Variants in DNM3 observed in about 807,000 individuals in gnomAD.
The protein encoded by DNM3 is dynamin 3.
A neutral mutation model predicts 101.6 loss-of-function variants in DNM3; 47 were observed. That is an observed-to-expected ratio of 0.46 (90% confidence interval 0.37 to 0.59). The LOEUF is 0.59. Among genes scored for constraint, DNM3 ranks in the 20% least tolerant of loss-of-function variants. DNM3 has a pLI of 0.00. For synonymous variants in DNM3, 385 were observed against 387.9 expected (o/e 0.99, Z 0.09); for missense variants, 849 against 1,085.7 (o/e 0.78, Z 3.06).
chr1:172,014,053 A>G (rs371910624), intron 4 of DNM3, among the ~76,000 whole-genome samples: 5 of 152,094 alleles, frequency 3.3e-5, no homozygotes, highest in African/African-American at 7.2e-5. Flanking sequence ...ATTGTAATCA[A>G]TTGTCCCACA....
intron 15 of DNM3, among the ~76,000 whole-genome samples, chr1:172,265,421 A>G (rs573441636): frequency 2.0e-5 from 3 of 152,280 alleles, no homozygotes; most frequent in Admixed American, 2.0e-4. Flanking sequence ...TTTCACACTC[A>G]GACTGGTTTA....
intron 15 of DNM3, among the ~76,000 whole-genome samples, chr1:172,258,071 T>C (rs776960680): frequency 6.6e-6 from 1 of 152,174 alleles, no homozygotes; most frequent in Non-Finnish European, 1.5e-5. Context: ...TGACTTAACA[T>C]AGTGATTTCC....
At chr1:171,861,184 G>T (rs549758193) in intron 1 of DNM3, among the ~76,000 whole-genome samples, 1 of 152,062 alleles carries the variant, frequency 6.6e-6, no homozygotes, top group Non-Finnish European at 1.5e-5. Context: ...AAATCAATCT[G>T]CAGACTTAAT....
At chr1:172,286,209 GAA>G (rs1453654882) in intron 15 of DNM3, among the ~76,000 whole-genome samples, 1 of 152,040 alleles carries the variant, frequency 6.6e-6, no homozygotes, top group East Asian at 1.9e-4. Context: ...CCTGTCATGT[GAA>G]AAGTCATGGC....
At chr1:172,302,600 T>A (rs2064520341) in intron 15 of DNM3, among the ~76,000 whole-genome samples, 2 of 152,174 alleles carry the variant, frequency 1.3e-5, no homozygotes, top group Admixed American at 1.3e-4. Flanking sequence ...GTAGCCTAAC[T>A]GGGAGACACC....
At chr1:172,232,406 C>A (rs2061373475) in intron 14 of DNM3, among the ~76,000 whole-genome samples, 2 of 152,280 alleles carry the variant, frequency 1.3e-5, no homozygotes, top group South Asian at 4.1e-4. Context: ...GAGAGACCTA[C>A]AAAGAGAATT....
intron 4 of DNM3, among the ~76,000 whole-genome samples, chr1:172,016,093 A>T (rs1454532109): frequency 6.6e-6 from 1 of 151,764 alleles, no homozygotes; most frequent in Non-Finnish European, 1.5e-5. Flanking sequence ...AGGCTGAGGC[A>T]GGAGAATCAC....
chr1:172,239,426 A>G (rs2061661653), intron 14 of DNM3, among the ~76,000 whole-genome samples: 2 of 152,190 alleles, frequency 1.3e-5, no homozygotes. Context: ...GGTCATCTGC[A>G]TGGTCTCAAA....
chr1:172,318,580 TTA>T (rs1410949877), intron 16 of DNM3, among the ~76,000 whole-genome samples: 3 of 152,062 alleles, frequency 2.0e-5, no homozygotes, highest in African/African-American at 7.2e-5. Context: ...ACAAGCATTC[TTA>T]TACACCAATA....
chr1:172,021,015 C>G (rs894070991), intron 4 of DNM3, among the ~76,000 whole-genome samples: 1 of 152,182 alleles, frequency 6.6e-6, no homozygotes, highest in African/African-American at 2.4e-5. Flanking sequence ...ACCTGTCTCT[C>G]CAAATTTTGG....
At chr1:172,375,915 T>A (rs1030894780) in intron 17 of DNM3, among the ~76,000 whole-genome samples, 1 of 151,342 alleles carries the variant, frequency 6.6e-6, no homozygotes, top group Non-Finnish European at 1.5e-5. Flanking sequence ...TCCCTTGAGT[T>A]CAGGGGTTCG....
At chr1:172,189,718 G>T (rs1014366681) in intron 14 of DNM3, among the ~76,000 whole-genome samples, 1 of 152,000 alleles carries the variant, frequency 6.6e-6, no homozygotes, top group Non-Finnish European at 1.5e-5. Context: ...TCACAGTTCT[G>T]CAGGCTGTAC....
intron 14 of DNM3, among the ~76,000 whole-genome samples, chr1:172,190,980 G>A (rs989871031): frequency 6.6e-6 from 1 of 152,180 alleles, no homozygotes; most frequent in African/African-American, 2.4e-5. Flanking sequence ...TGTTCACTCT[G>A]ATGGTAGTTT....
chr1:172,160,283 C>G (rs2058499791), intron 14 of DNM3, among the ~76,000 whole-genome samples: 1 of 152,010 alleles, frequency 6.6e-6, no homozygotes, highest in African/African-American at 2.4e-5. Context: ...CCTTACCTTA[C>G]TGTAACATTT....
At chr1:172,413,320 G>A (rs2071311530), downstream of DNM3, among the ~76,000 whole-genome samples, 3 of 152,164 alleles carry the variant, frequency 2.0e-5, no homozygotes, top group African/African-American at 4.8e-5. Context: ...TCCGCCTCCC[G>A]GGTTCACGCC....
At chr1:172,090,060 T>C (rs1479056049) in intron 12 of DNM3, among the ~76,000 whole-genome samples, 1 of 152,198 alleles carries the variant, frequency 6.6e-6, no homozygotes, top group East Asian at 1.9e-4. Context: ...TCAACTTCTT[T>C]TCCCTTAAGT....
chr1:172,413,490 G>A (rs1320828340), downstream of DNM3, among the ~76,000 whole-genome samples: 1 of 152,202 alleles, frequency 6.6e-6, no homozygotes, highest in Non-Finnish European at 1.5e-5. Flanking sequence ...GCTTCCCAAA[G>A]TGCTGGGATT....
intron 2 of DNM3, among the ~76,000 whole-genome samples, chr1:171,971,007 T>C (rs1331460214): frequency 6.6e-6 from 1 of 152,092 alleles, no homozygotes; most frequent in African/African-American, 2.4e-5. Flanking sequence ...ATATACTTAG[T>C]ATGAAATGGG....
chr1:171,907,075 T>G (rs955131555), intron 1 of DNM3, among the ~76,000 whole-genome samples: 1 of 152,248 alleles, frequency 6.6e-6, no homozygotes, highest in East Asian at 1.9e-4. Context: ...TCTCCACTGC[T>G]GCCATTCTGG....
Sources: allele counts gnomAD v4.1 joint callset (sites outside exome capture counted in the v4.1 genomes callset), GRCh38; gene constraint gnomAD v4.1.1; transcripts MANE v1.5; gene names NCBI Gene and HGNC (gene_info 2026-07-23, HGNC 2026-07-21).